CC2D2A: variants seen among roughly 807,000 people sequenced by gnomAD.
CC2D2A encodes the protein coiled-coil and C2 domain-containing protein 2A.
A neutral mutation model predicts 212.9 loss-of-function variants in CC2D2A; 155 were observed. The ratio of observed to expected loss-of-function variants is 0.73; its 90% confidence interval spans 0.64 to 0.83. CC2D2A has a LOEUF of 0.83. Among genes scored for constraint, CC2D2A ranks in the 40% least tolerant of loss-of-function variants. The probability of loss-of-function intolerance (pLI) is 0.00; values close to 1 mark genes in which losing one functional copy is unlikely to be tolerated. For synonymous variants in CC2D2A, 667 were observed against 686.5 expected (o/e 0.97, Z 0.44); for missense variants, 1,856 against 1,956.2 (o/e 0.95, Z 0.97).
rs1721362146 is a variant in CC2D2A at position 15,597,329 on chromosome 4, T to C, written c.4438-78T>C. 27 of 1,039,652 alleles carry C rather than the reference T, an allele frequency of 2.6e-5. No individual in the cohort carries two copies. The South Asian group carries it at 3.7e-4, about 14-fold the overall frequency. The allele number at this position is 1,039,652 out of a possible 1,614,324, so 64.4% of individuals were successfully genotyped here. On this transcript the variant is annotated intron_variant, in intron 34 of 36. Coordinates refer to ENST00000424120, the MANE Select transcript of CC2D2A (RefSeq NM_001378615.1). ...ATCTCGATGTCTGAGATTTCATTGA[T>C]TTTTAAGATTTTTAAAAGGATGTTC... is the stretch of plus-strand genomic sequence containing the variant.
rs1465310812 is a variant in CC2D2A at position 15,527,454 on chromosome 4, A to G, written c.1157A>G (p.Lys386Arg). ...ELETLYKKAV[K>R]YVHSSQHVIR... Reference sequence around the variant, plus strand: ...CTCTGCTTTCCTTGGCAGGCTGTAAAATACGTTCACAGTAGTCAGCATGTG... The same window carrying G: ...CTCTGCTTTCCTTGGCAGGCTGTAAGATACGTTCACAGTAGTCAGCATGTG... The change falls in exon 12 of 37, where the codon AAA (lysine) becomes AGA (arginine). Residue 386 changes from lysine to arginine, a missense_variant. Physicochemically the swap from Lys to Arg is conservative, Grantham distance 26. This residue lies in a region of CC2D2A where 1,512 missense variants were observed against 1,579.3 expected (regional missense o/e 0.96). Coordinates refer to ENST00000424120, the MANE Select transcript of CC2D2A (RefSeq NM_001378615.1). 2 of 1,612,512 alleles carry G rather than the reference A, an allele frequency of 1.2e-6. No individual in the cohort carries two copies. Among genetic ancestry groups the G allele is most frequent in the Admixed American group, 3.3e-5 (2 of 59,906 alleles).
At chr4:15,584,048 T>G (rs1720763525) in intron 30 of CC2D2A, among the ~76,000 whole-genome samples, 5 of 152,008 alleles carry the variant, frequency 3.3e-5, no homozygotes, top group Admixed American at 3.3e-4. Context: ...GTTCATGGAT[T>G]GGAAGAATTA....
rs975452677 is a variant in CC2D2A at position 15,482,332 on chromosome 4, A to G, written c.247+1505A>G. 11 of 972,152 alleles carry G rather than the reference A, an allele frequency of 1.1e-5. No homozygotes were observed. The African/African-American group carries it at 1.6e-4, about 14-fold the overall frequency. 60.2% of individuals were successfully genotyped at this position (972,152 alleles called of 1,614,324 possible). On this transcript the variant is annotated intron_variant, in intron 4 of 36. Coordinates refer to ENST00000424120, the MANE Select transcript of CC2D2A (RefSeq NM_001378615.1). ...TTACTACCAAAGATTACAACTTGTC[A>G]TTTCAGGCTGCCATAACAAAATACT... is the stretch of plus-strand genomic sequence containing the variant.
chr4:15,547,690 A>G (rs1366109031), intron 17 of CC2D2A, among the ~76,000 whole-genome samples: 1 of 152,176 alleles, frequency 6.6e-6, no homozygotes, highest in Non-Finnish European at 1.5e-5. Context: ...ATACCTACTT[A>G]AAGCCCAAAG....
At chr4:15,581,091 G>A (rs147139460) in intron 30 of CC2D2A, among the ~76,000 whole-genome samples, 1 of 152,248 alleles carries the variant, frequency 6.6e-6, no homozygotes, top group African/African-American at 2.4e-5. Context: ...TGCCTTTGGA[G>A]AGTGGATAAT....
chr4:15,601,371 CA>C lies in CC2D2A; in HGVS notation c.4814del (p.Asn1605MetfsTer27). ...ALAVYIHPYP[K>X]NVLSVWIYVA... Reference sequence around the variant, plus strand: ...TAGCTGTATACATACACCCATACCCCAAAAATGTTTTGTCTGTTTGGATCTA... The same window carrying C: ...TAGCTGTATACATACACCCATACCCCAAAATGTTTTGTCTGTTTGGATCTA... On this transcript the variant is annotated frameshift_variant, in exon 37 of 37. Coordinates refer to ENST00000424120, the MANE Select transcript of CC2D2A (RefSeq NM_001378615.1). LOFTEE classifies it high-confidence loss of function. The C allele has an allele frequency of 1.9e-6, 3 of 1,583,478 alleles. No individual in the cohort carries two copies. Among genetic ancestry groups the C allele is most frequent in the Non-Finnish European group, 2.6e-6 (3 of 1,162,342 alleles).
chr4:15,575,270 G>T (rs1720352308), intron 29 of CC2D2A, among the ~76,000 whole-genome samples: 1 of 152,182 alleles, frequency 6.6e-6, no homozygotes, highest in Admixed American at 6.5e-5. Context: ...TGGACAAGGG[G>T]TCTCCAACTT....
At chr4:15,503,563 T>G (rs1331358189) in intron 6 of CC2D2A, among the ~76,000 whole-genome samples, 1 of 152,194 alleles carries the variant, frequency 6.6e-6, no homozygotes. Context: ...TCAGCATTGC[T>G]GGATCCATGG....
chr4:15,486,328 C>A (rs1186406832), intron 4 of CC2D2A, among the ~76,000 whole-genome samples: 1 of 151,986 alleles, frequency 6.6e-6, no homozygotes, highest in Non-Finnish European at 1.5e-5. Context: ...CTGCTTCTAT[C>A]TCATTACTTG....
chr4:15,548,810 A>G (rs763410351), intron 17 of CC2D2A, among the ~76,000 whole-genome samples: 1 of 152,164 alleles, frequency 6.6e-6, no homozygotes, highest in Non-Finnish European at 1.5e-5. Flanking sequence ...AGAGTTGTGA[A>G]CCAATAAAAA....
intron 11 of CC2D2A, among the ~76,000 whole-genome samples, chr4:15,523,114 CA>C (rs142926881): frequency 0.15 from 19,928 of 132,152 alleles, 1,411 homozygotes; most frequent in African/African-American, 0.2. Flanking sequence ...AACTCCATCT[CA>C]AAAAAAAAAA....
intron 5 of CC2D2A, 85 bp from the exon 6 acceptor site, chr4:15,502,737 A>G (rs891446566): frequency 8.1e-7 from 1 of 1,233,972 alleles, no homozygotes. Context: ...TCTTCCCCTT[A>G]AAGAAGGATA....
Position 15,498,501 on chromosome 4 carries a change from C to A in CC2D2A, c.248-3928C>A, listed in dbSNP as rs542389055. On this transcript the variant is annotated intron_variant, in intron 4 of 36. Transcript: ENST00000424120. Reference sequence around the variant, plus strand: ...ATGTGAAATTAAGCCCTTCCTCGAGCCTGGCAGATCAGTTCTCACCCTCAG... The same window carrying A: ...ATGTGAAATTAAGCCCTTCCTCGAGACTGGCAGATCAGTTCTCACCCTCAG... Among the ~76,000 whole-genome samples, 40 of 152,268 alleles carry A rather than the reference C, an allele frequency of 2.6e-4. No homozygotes were observed. The Middle Eastern group carries it at 0.01, about 39-fold the overall frequency.
At chr4:15,494,491 C>T (rs1349709702) in intron 4 of CC2D2A, among the ~76,000 whole-genome samples, 2 of 152,204 alleles carry the variant, frequency 1.3e-5, no homozygotes, top group African/African-American at 4.8e-5. Flanking sequence ...ACAGGGACAG[C>T]CAGTTTGTTC....
At position 15,533,234 on chromosome 4, in the gene CC2D2A, G is replaced by T; in HGVS notation, c.1508G>T (p.Arg503Ile). The change falls in exon 14 of 37, where the codon AGA becomes ATA. Residue 503 changes from arginine (R) to isoleucine (I), a missense_variant. Arg to Ile is a moderately conservative substitution (Grantham distance 97). Around this residue, in one of 5 missense-constraint regions of CC2D2A, gnomAD observed 1,512 missense variants for 1,579.3 expected, o/e 0.96. Transcript: ENST00000424120. ...CGTGATGCTGAACAAGAAAAAGATA[G>T]AACATTGCTTAAGACTATCATAAAA... ...KFRDAEQEKD[R>I]TLLKTIIKVW... 1 of 1,596,818 alleles carries T rather than the reference G, an allele frequency of 6.3e-7. No individual in the cohort carries two copies. Among genetic ancestry groups the T allele is most frequent in the South Asian group, 1.2e-5 (1 of 86,158 alleles).
At chr4:15,569,270 C>G (rs373795696) in intron 26 of CC2D2A, 23 bp from the exon 27 acceptor site, 283 of 1,405,610 alleles carry the variant, frequency 2.0e-4, no homozygotes, top group Non-Finnish European at 2.3e-4. Flanking sequence ...TTTCACAGTC[C>G]CTGGTCATGT....
chr4:15,566,736 C>A (rs1473010712), intron 24 of CC2D2A, among the ~76,000 whole-genome samples: 1 of 152,126 alleles, frequency 6.6e-6, no homozygotes, highest in Non-Finnish European at 1.5e-5. Flanking sequence ...CTTTGGGAAC[C>A]CAAGACAGGA....
intron 11 of CC2D2A, among the ~76,000 whole-genome samples, chr4:15,523,187 C>T (rs1290555172): frequency 6.6e-6 from 1 of 151,780 alleles, no homozygotes; most frequent in Non-Finnish European, 1.5e-5. Flanking sequence ...TTTGTCCTTC[C>T]TTCCTTCCTT....
chr4:15,587,703 T>C, intron 31 of CC2D2A, 113 bp from the exon 32 acceptor site: 6 of 555,624 alleles, frequency 1.1e-5, no homozygotes, highest in African/African-American at 5.7e-5. Flanking sequence ...GGCAAGATTA[T>C]AGGTCTTACA....
Sources: allele counts gnomAD v4.1 joint callset (sites outside exome capture counted in the v4.1 genomes callset), GRCh38; gene constraint gnomAD v4.1.1; regional missense constraint gnomAD v4.1.1; transcripts MANE v1.5; gene names NCBI Gene and HGNC (gene_info 2026-07-23, HGNC 2026-07-21).